Variants in GALNTL6 observed in about 807,000 individuals in gnomAD.
GALNTL6 encodes the protein polypeptide N-acetylgalactosaminyltransferase like 6.
In GALNTL6, 46 loss-of-function variants were observed where a neutral mutation model predicts 73.7. The ratio of observed to expected loss-of-function variants is 0.62; its 90% CI spans 0.49 to 0.80. The LOEUF is 0.80. GALNTL6 is among the 30% of genes least tolerant of loss of function. The pLI is 0.00. For missense variants in GALNTL6, 604 were observed against 755.0 expected (o/e 0.80, Z 2.34); for synonymous variants, 259 against 263.7 (o/e 0.98, Z 0.17).
At chr4:171,863,642 A>G (rs544718488) in intron 2 of GALNTL6, among the ~76,000 whole-genome samples, 1 of 152,200 alleles carries the variant, frequency 6.6e-6, no homozygotes, top group Admixed American at 6.5e-5. Context: ...TAAAGTTAAC[A>G]CTGAGCTGGA....
At chr4:172,761,669 T>TC (rs1553985721) in intron 5 of GALNTL6, among the ~76,000 whole-genome samples, 27,636 of 147,168 alleles carry the variant, frequency 0.19, 2,875 homozygotes, top group Middle Eastern at 0.31. Flanking sequence ...CTTGCTCTCT[T>TC]TCTCTCTCTC....
At chr4:172,214,520 T>C (rs1431090757) in intron 2 of GALNTL6, among the ~76,000 whole-genome samples, 1 of 32,108 alleles carries the variant, frequency 3.1e-5, no homozygotes, top group Non-Finnish European at 9.0e-5. Flanking sequence ...TTTCTTTTCC[T>C]TTTTTTTTTT....
intron 3 of GALNTL6, among the ~76,000 whole-genome samples, chr4:172,232,390 A>G (rs918286088): frequency 1.3e-5 from 2 of 151,568 alleles, no homozygotes; most frequent in Non-Finnish European, 2.9e-5. Flanking sequence ...ATCTAGGTCA[A>G]TGTGTGAAAT....
chr4:172,484,210 G>C (rs914547567), intron 5 of GALNTL6, among the ~76,000 whole-genome samples: 3 of 152,140 alleles, frequency 2.0e-5, no homozygotes, highest in African/African-American at 7.2e-5. Flanking sequence ...TCTCGCACCA[G>C]ATTAGAAATA....
At chr4:171,968,044 G>C (rs1048216250) in intron 2 of GALNTL6, among the ~76,000 whole-genome samples, 2 of 152,114 alleles carry the variant, frequency 1.3e-5, no homozygotes, top group African/African-American at 4.8e-5. Context: ...CTCAGCTTCT[G>C]ATTCTACTCC....
At chr4:172,540,114 G>A (rs972633138) in intron 5 of GALNTL6, among the ~76,000 whole-genome samples, 3 of 148,256 alleles carry the variant, frequency 2.0e-5, no homozygotes, top group African/African-American at 7.5e-5. Flanking sequence ...GCAATAGTGC[G>A]ATCTCAGCCC....
At position 172,459,945 on chromosome 4, in the gene GALNTL6, C is replaced by T. The variant is rs572644258; in HGVS notation, c.553+111256C>T. Among the ~76,000 whole-genome samples the T allele has an allele frequency of 9.2e-5, 14 of 152,312 alleles. 1 individual carries two copies. Among genetic ancestry groups the T allele is most frequent in the African/African-American group, 2.2e-4 (9 of 41,576 alleles). ...AAAAAGAACAAAGCTGGAGGCATCA[C>T]GCTACCTGACTTCAAACCATACTAC... On this transcript the variant is annotated intron_variant, in intron 5 of 12. Transcript: ENST00000506823.
intron 5 of GALNTL6, among the ~76,000 whole-genome samples, chr4:172,798,123 A>G (rs945903277): frequency 6.6e-6 from 1 of 152,180 alleles, no homozygotes; most frequent in African/African-American, 2.4e-5. Flanking sequence ...ACAATCATTT[A>G]GGTCCACAGT....
At chr4:172,891,805 C>G (rs906158777) in intron 8 of GALNTL6, among the ~76,000 whole-genome samples, 2 of 152,124 alleles carry the variant, frequency 1.3e-5, no homozygotes, top group Non-Finnish European at 2.9e-5. Flanking sequence ...TTTATGTAAT[C>G]CCATATTTAT....
At chr4:171,961,373 G>A (rs1310567775) in intron 2 of GALNTL6, among the ~76,000 whole-genome samples, 1 of 152,036 alleles carries the variant, frequency 6.6e-6, no homozygotes, top group Non-Finnish European at 1.5e-5. Flanking sequence ...CTCAAGAGGA[G>A]AAGAATTTAC....
At chr4:172,237,305 T>C (rs1737275740) in intron 3 of GALNTL6, among the ~76,000 whole-genome samples, 1 of 152,228 alleles carries the variant, frequency 6.6e-6, no homozygotes, top group Non-Finnish European at 1.5e-5. Context: ...CCACAATGGC[T>C]GAACTAATTT....
At chr4:172,988,880 G>T (rs1238072708) in intron 10 of GALNTL6, among the ~76,000 whole-genome samples, 4 of 152,242 alleles carry the variant, frequency 2.6e-5, no homozygotes, top group Non-Finnish European at 4.4e-5. Flanking sequence ...GTTCAGGCTT[G>T]GGAGCCTCCA....
chr4:172,171,985 T>C (rs1353650860), intron 2 of GALNTL6, among the ~76,000 whole-genome samples: 2 of 152,090 alleles, frequency 1.3e-5, no homozygotes, highest in Non-Finnish European at 2.9e-5. Context: ...GCATCACATC[T>C]CAAAGCAGCC....
At chr4:172,033,256 TA>T (rs1254532194) in intron 2 of GALNTL6, among the ~76,000 whole-genome samples, 2 of 152,040 alleles carry the variant, frequency 1.3e-5, no homozygotes, top group Non-Finnish European at 2.9e-5. Context: ...TCACTATATG[TA>T]ACCTATAAAA....
At chr4:172,763,958 A>ATT (rs35078752) in intron 5 of GALNTL6, among the ~76,000 whole-genome samples, 34,531 of 136,738 alleles carry the variant, frequency 0.25, 4,623 homozygotes, top group Middle Eastern at 0.35. Context: ...AACAAGGTGT[A>ATT]TTTTTTTTTT....
intron 11 of GALNTL6, among the ~76,000 whole-genome samples, chr4:173,016,115 C>A (rs528500252): frequency 9.2e-5 from 14 of 152,350 alleles, no homozygotes; most frequent in Middle Eastern, 6.8e-3. Context: ...GCTTGGGGAA[C>A]CTCCACCTAG....
intron 5 of GALNTL6, among the ~76,000 whole-genome samples, chr4:172,672,567 TG>T (rs1732048938): frequency 1.3e-5 from 2 of 152,246 alleles, no homozygotes; most frequent in Admixed American, 6.5e-5. Context: ...CTCAATTTTT[TG>T]GAATGGTTTC....
At chr4:172,643,618 C>T (rs1740091108) in intron 5 of GALNTL6, among the ~76,000 whole-genome samples, 1 of 151,964 alleles carries the variant, frequency 6.6e-6, no homozygotes, top group African/African-American at 2.4e-5. Flanking sequence ...TATCTAACTT[C>T]ATAGATTAGT....
In GALNTL6 at chr4:172,801,291, G is replaced by A. The variant is rs1740625412; in HGVS notation, c.554-8070G>A. Among the ~76,000 whole-genome samples the A allele has an allele frequency of 2.6e-5, 4 of 152,062 alleles. No homozygotes were observed. In the South Asian group the frequency reaches 6.2e-4, roughly 24 times the overall value. ...TATTACCAAAATGCCAAAATATTTT[G>A]TGTAAAATAATCTATTATTTGCCTC... On this transcript the variant is annotated intron_variant, in intron 5 of 12. Coordinates refer to ENST00000506823, the MANE Select transcript of GALNTL6 (RefSeq NM_001034845.3).
Sources: gnomAD v4.1 joint callset for allele counts (sites outside exome capture counted in the v4.1 genomes callset) on GRCh38, gnomAD v4.1.1 for gene constraint, MANE v1.5 for transcripts, NCBI Gene and HGNC (gene_info 2026-07-23, HGNC 2026-07-21) for gene names.